The following ZNF121 variants were observed in gnomAD, a reference collection of about 807,000 sequenced individuals.
The protein encoded by ZNF121 is zinc finger protein 121, also known as zinc finger protein 121 (clone ZHC32).
A neutral mutation model predicts 2.4 loss-of-function variants in ZNF121; 1 was observed. The observed-to-expected ratio is 0.41, with a 90% CI of 0.15 to 1.94. The LOEUF is 1.94. ZNF121 is among the 30% of genes most tolerant of loss of function. ZNF121 has a pLI of 0.30. For synonymous variants in ZNF121, 173 were observed against 158.6 expected (o/e 1.09, Z -0.68); for missense variants, 369 against 466.3 (o/e 0.79, Z 1.92).
chr19:9,583,057 C>CA lies in ZNF121; in HGVS notation c.-160+1403dup, dbSNP rs1326380773. ...TGAAACCCTGTCTCCACTAAAAATA[C>CA]AAAAAAAAAAAATTAGCTGGGCATG... On this transcript the variant is annotated intron_variant, in intron 1 of 3. Transcript: ENST00000320451. Among the ~76,000 whole-genome samples the CA allele has an allele frequency of 3.8e-4, 47 of 122,130 alleles. 1 individual carries two copies. Among genetic ancestry groups the CA allele is most frequent in the Middle Eastern group, 8.4e-3 (2 of 238 alleles). The allele number at this position is 122,130 out of a possible 152,430, so 80.1% of individuals were successfully genotyped here. A position where few individuals can be genotyped will look rare whatever the true frequency, so the allele number is the denominator to read the frequency against.
intron 1 of ZNF121, among the ~76,000 whole-genome samples, chr19:9,582,597 C>G (rs2074255116): frequency 6.6e-6 from 1 of 152,082 alleles, no homozygotes; most frequent in African/African-American, 2.4e-5. Flanking sequence ...AGCTTTATTG[C>G]TCATACAAAG....
Position 9,566,385 on chromosome 19 carries a change from A to C in ZNF121, c.728T>G (p.Leu243Arg). Residue 243 changes from leucine (L) to arginine (R), a missense_variant, in exon 4 of 4, where the codon CTA becomes CGA. Coordinates refer to ENST00000320451, the MANE Select transcript of ZNF121 (RefSeq NM_001008727.5). ...TGTGTGAGTTTTAAAATGTTCAGTT[A>C]GTAGATAAAACCTATTGTAGGCTTT... ...CGKAYNRFYL[L>R]TEHFKTHTEE... 6.2e-7 allele frequency: 1 copy of C among 1,614,044 alleles called. No individual in the cohort carries two copies. The highest frequency in any genetic ancestry group is 8.5e-7 in the Non-Finnish European group (1 of 1,180,004).
chr19:9,572,944 G>A (rs898720197), intron 1 of ZNF121, among the ~76,000 whole-genome samples: 5 of 152,152 alleles, frequency 3.3e-5, no homozygotes, highest in African/African-American at 1.2e-4. Flanking sequence ...CAGCCTGGGA[G>A]GTAGAGGCTG....
Position 9,565,353 on chromosome 19 carries a change from CAAAAAAAAAAAAAAAAAAAAA to C in ZNF121, c.*566_*586del, listed in dbSNP as rs71185609. 2 of 29,816 alleles carry C rather than the reference CAAAAAAAAAAAAAAAAAAAAA, an allele frequency of 6.7e-5. No individual in the cohort carries two copies. Among genetic ancestry groups the C allele is most frequent in the African/African-American group, 9.5e-5 (1 of 10,512 alleles). 1.8% of individuals were successfully genotyped at this position (29,816 alleles called of 1,614,324 possible). ...AAGAATGTGTATTAACAACGACTTA[CAAAAAAAAAAAAAAAAAAAAA>C]AAAAAAAAAAAAAGGCCAGGAGCAG... On this transcript the variant is annotated 3_prime_UTR_variant, in exon 4 of 4. Transcript: ENST00000320451.
At chr19:9,576,802 C>T (rs922249909) in intron 1 of ZNF121, among the ~76,000 whole-genome samples, 2 of 152,046 alleles carry the variant, frequency 1.3e-5, no homozygotes, top group Admixed American at 6.5e-5. Flanking sequence ...CACAGAAATA[C>T]AACCAATCAT....
chr19:9,583,943 AT>A (rs986321686), intron 1 of ZNF121, among the ~76,000 whole-genome samples: 2 of 152,098 alleles, frequency 1.3e-5, no homozygotes, highest in Non-Finnish European at 2.9e-5. Flanking sequence ...CTAAACGACT[AT>A]TTTTTTTCCA....
chr19:9,581,532 A>G (rs2144826410), intron 1 of ZNF121, among the ~76,000 whole-genome samples: 1 of 152,320 alleles, frequency 6.6e-6, no homozygotes, highest in South Asian at 2.1e-4. Context: ...GGCATCTAAC[A>G]AAGGCAAAAA....
At chr19:9,583,024 G>A (rs1294052176) in intron 1 of ZNF121, among the ~76,000 whole-genome samples, 5 of 133,690 alleles carry the variant, frequency 3.7e-5, no homozygotes, top group Admixed American at 2.3e-4. Context: ...CCAGCCTGGC[G>A]AGCATGGTGA....
chr19:9,570,865 G>A (rs1237985365), intron 1 of ZNF121, among the ~76,000 whole-genome samples: 1 of 152,198 alleles, frequency 6.6e-6, no homozygotes, highest in Admixed American at 6.5e-5. Flanking sequence ...ACAGGCGTGA[G>A]CCACCGCACC....
Position 9,569,092 on chromosome 19 carries a change from G to C in ZNF121, c.-159-10C>G, listed in dbSNP as rs989142044. The C allele has an allele frequency of 2.0e-5, 3 of 153,110 alleles. No homozygotes were observed. Among genetic ancestry groups the C allele is most frequent in the Non-Finnish European group, 2.9e-5 (2 of 68,064 alleles). The allele number at this position is 153,110 out of a possible 1,614,324, so 9.5% of individuals were successfully genotyped here. ...TGAGTTTGAATAGGTCCTGTACAGAGGGAAAGATACATCAATGGAAGAGGC... is the reference window on the plus strand; with the variant it reads ...TGAGTTTGAATAGGTCCTGTACAGACGGAAAGATACATCAATGGAAGAGGC... On this transcript the variant is annotated splice_polypyrimidine_tract_variant and intron_variant, in intron 1 of 3. Coordinates refer to ENST00000320451, the MANE Select transcript of ZNF121 (RefSeq NM_001008727.5).
intron 1 of ZNF121, among the ~76,000 whole-genome samples, chr19:9,582,748 CAAAAAAAA>C (rs78215890): frequency 1.9e-5 from 1 of 52,580 alleles, no homozygotes; most frequent in Non-Finnish European, 3.9e-5. Context: ...GACTCTGTCT[CAAAAAAAA>C]AAAAAAAAAA....
intron 1 of ZNF121, among the ~76,000 whole-genome samples, chr19:9,569,828 T>A (rs2074160180): frequency 6.9e-6 from 1 of 145,394 alleles, no homozygotes. Context: ...CCACCACGCC[T>A]GGCCGAGATC....
intron 3 of ZNF121, 89 bp downstream of exon 3, chr19:9,568,006 T>G (rs919206796): frequency 5.9e-5 from 81 of 1,373,508 alleles, no homozygotes; most frequent in Non-Finnish European, 8.1e-5. Context: ...AAATGTTACC[T>G]CTCTCAAATA....
chr19:9,577,780 G>A (rs1379138664), intron 1 of ZNF121, among the ~76,000 whole-genome samples: 2 of 152,066 alleles, frequency 1.3e-5, no homozygotes, highest in Non-Finnish European at 2.9e-5. Flanking sequence ...CAGGTGCAGT[G>A]GCTCACACCT....
chr19:9,573,013 T>C (rs182239486), intron 1 of ZNF121, among the ~76,000 whole-genome samples: 2,794 of 146,442 alleles, frequency 0.019, 43 homozygotes, highest in South Asian at 0.04. Context: ...AGACCTTGTC[T>C]CAAAACAACA....
chr19:9,579,073 T>C (rs1017844616), intron 1 of ZNF121, among the ~76,000 whole-genome samples: 1 of 149,360 alleles, frequency 6.7e-6, no homozygotes, highest in Non-Finnish European at 1.5e-5. Context: ...CCAACAGGTA[T>C]ACGGAAAAAA....
At chr19:9,580,994 G>A (rs2074244810) in intron 1 of ZNF121, among the ~76,000 whole-genome samples, 1 of 152,170 alleles carries the variant, frequency 6.6e-6, no homozygotes, top group African/African-American at 2.4e-5. Flanking sequence ...CATACTGTCA[G>A]CCCTTATCAA....
intron 1 of ZNF121, among the ~76,000 whole-genome samples, chr19:9,569,836 ATCT>A (rs1432225813): frequency 4.7e-5 from 6 of 128,304 alleles, no homozygotes; most frequent in Non-Finnish European, 9.4e-5. Flanking sequence ...CCTGGCCGAG[ATCT>A]TTTTTTTTTT....
At chr19:9,567,995 T>G in intron 3 of ZNF121, 100 bp downstream of exon 3, 2 of 1,301,768 alleles carry the variant, frequency 1.5e-6, no homozygotes, top group Non-Finnish European at 2.1e-6. Flanking sequence ...CCTGCTTGAG[T>G]AAATGTTACC....
Sources: allele counts gnomAD v4.1 joint callset (sites outside exome capture counted in the v4.1 genomes callset), GRCh38; gene constraint gnomAD v4.1.1; transcripts MANE v1.5; gene names NCBI Gene and HGNC (gene_info 2026-07-23, HGNC 2026-07-21).